Variants in GRIK1 observed in about 807,000 individuals in gnomAD.
GRIK1 encodes the protein glutamate receptor ionotropic, kainate 1.
Under a neutral mutation model 105.7 loss-of-function variants are expected in GRIK1, and 69 were observed. The ratio of observed to expected loss-of-function variants is 0.65; its 90% CI spans 0.54 to 0.80. The LOEUF is 0.80. Ranked by LOEUF, GRIK1 falls within the 30% of genes least tolerant of loss-of-function variation. The pLI is 0.00. For missense variants in GRIK1, 1,109 were observed against 1,167.3 expected (o/e 0.95, Z 0.73); for synonymous variants, 438 against 431.3 (o/e 1.02, Z -0.19).
At chr21:29,904,760 G>A (rs149855676) in intron 1 of GRIK1, among the ~76,000 whole-genome samples, 1 of 152,196 alleles carries the variant, frequency 6.6e-6, no homozygotes, top group Non-Finnish European at 1.5e-5. Flanking sequence ...GAACCAGGAA[G>A]TGTTGACCTG....
intron 3 of GRIK1, among the ~76,000 whole-genome samples, chr21:29,673,373 A>G (rs1230177743): frequency 6.6e-6 from 1 of 152,032 alleles, no homozygotes; most frequent in Non-Finnish European, 1.5e-5. Context: ...TGGAAGCATA[A>G]TTTTCCCAGG....
chr21:29,924,549 T>C (rs543289946), intron 1 of GRIK1, among the ~76,000 whole-genome samples: 1 of 152,266 alleles, frequency 6.6e-6, no homozygotes, highest in South Asian at 2.1e-4. Flanking sequence ...GGTTTACAGA[T>C]GCTCCTATAT....
intron 1 of GRIK1, among the ~76,000 whole-genome samples, chr21:29,856,282 G>T (rs754291207): frequency 6.6e-6 from 1 of 152,156 alleles, no homozygotes; most frequent in South Asian, 2.1e-4. Context: ...AGAAGTTCTG[G>T]TAGTGATTTA....
chr21:29,824,369 C>T (rs2067387826), intron 1 of GRIK1, among the ~76,000 whole-genome samples: 2 of 151,774 alleles, frequency 1.3e-5, no homozygotes, highest in Admixed American at 1.3e-4. Context: ...TCATAGTATA[C>T]AAATAGACAA....
chr21:29,716,311 C>G (rs2064175886), intron 1 of GRIK1, among the ~76,000 whole-genome samples: 1 of 152,038 alleles, frequency 6.6e-6, no homozygotes, highest in Non-Finnish European at 1.5e-5. Flanking sequence ...TAAAGATATC[C>G]AAAAATGTGG....
intron 1 of GRIK1, among the ~76,000 whole-genome samples, chr21:29,905,915 A>G (rs1209670851): frequency 6.6e-6 from 1 of 151,710 alleles, no homozygotes; most frequent in Admixed American, 6.6e-5. Flanking sequence ...GGCGTGAGCC[A>G]CCGCACCTGG....
intron 1 of GRIK1, among the ~76,000 whole-genome samples, chr21:29,772,589 C>T (rs1309077520): frequency 6.6e-6 from 1 of 151,986 alleles, no homozygotes; most frequent in Admixed American, 6.6e-5. Flanking sequence ...ATTTGTCATC[C>T]CCCCCACCCT....
chr21:29,578,793 C>T (rs891007431), intron 13 of GRIK1, among the ~76,000 whole-genome samples: 12 of 151,974 alleles, frequency 7.9e-5, no homozygotes, highest in African/African-American at 2.9e-4. Context: ...AAGGTTGTTT[C>T]ATATCTTTGT....
chr21:29,674,075 TTG>T (rs1347290913), intron 3 of GRIK1, among the ~76,000 whole-genome samples: 51 of 150,402 alleles, frequency 3.4e-4, no homozygotes, highest in African/African-American at 5.6e-4. Flanking sequence ...TTTTTTTTTG[TTG>T]TTTTTTTTTT....
At chr21:29,709,056 A>G (rs1170398954) in intron 1 of GRIK1, among the ~76,000 whole-genome samples, 1 of 152,092 alleles carries the variant, frequency 6.6e-6, no homozygotes, top group Non-Finnish European at 1.5e-5. Flanking sequence ...CATGCTGTTT[A>G]TAATTTTATA....
chr21:29,840,663 C>A (rs969988856), intron 1 of GRIK1, among the ~76,000 whole-genome samples: 1 of 152,096 alleles, frequency 6.6e-6, no homozygotes, highest in South Asian at 2.1e-4. Context: ...TGGTTTCCTG[C>A]AAAATAAATT....
intron 1 of GRIK1, among the ~76,000 whole-genome samples, chr21:29,739,190 G>A (rs940069349): frequency 1.3e-5 from 2 of 152,186 alleles, no homozygotes; most frequent in African/African-American, 4.8e-5. Context: ...GGGGTTAAGA[G>A]TGATGGAGAC....
intron 1 of GRIK1, among the ~76,000 whole-genome samples, chr21:29,848,238 C>T (rs140655900): frequency 4.6e-5 from 7 of 152,182 alleles, no homozygotes; most frequent in African/African-American, 9.6e-5. Context: ...TTTCTGTCCC[C>T]GCCAATGTAC....
chr21:29,589,812 C>G (rs1434690338), intron 10 of GRIK1, among the ~76,000 whole-genome samples: 1 of 152,128 alleles, frequency 6.6e-6, no homozygotes, highest in Admixed American at 6.5e-5. Flanking sequence ...TATGACTATT[C>G]TCATTTCTTT....
At chr21:29,877,176 C>A (rs1445234748) in intron 1 of GRIK1, among the ~76,000 whole-genome samples, 1 of 152,042 alleles carries the variant, frequency 6.6e-6, no homozygotes, top group African/African-American at 2.4e-5. Context: ...TCCTCTAGGG[C>A]CTGCAGTAAT....
chr21:29,817,776 AGG>A (rs1389139376), intron 1 of GRIK1, among the ~76,000 whole-genome samples: 1 of 152,140 alleles, frequency 6.6e-6, no homozygotes, highest in Admixed American at 6.5e-5. Context: ...CTGGTATTTA[AGG>A]GTTGTTTGTT....
At chr21:29,597,501 G>A (rs1322823707) in intron 8 of GRIK1, 1 of 243,458 alleles carries the variant, frequency 4.1e-6, no homozygotes, top group Non-Finnish European at 9.2e-6. Flanking sequence ...TCGAGAAGCA[G>A]ACATTTTCTT....
At chr21:29,874,891 A>G (rs886959745) in intron 1 of GRIK1, among the ~76,000 whole-genome samples, 2 of 152,186 alleles carry the variant, frequency 1.3e-5, no homozygotes, top group African/African-American at 4.8e-5. Context: ...ACATTTTAAA[A>G]GCCTATTTCA....
At chr21:29,874,550 G>T (rs1468183090) in intron 1 of GRIK1, among the ~76,000 whole-genome samples, 1 of 152,150 alleles carries the variant, frequency 6.6e-6, no homozygotes, top group Non-Finnish European at 1.5e-5. Flanking sequence ...TTCGTCCGCC[G>T]CTCACCTCCT....
Sources: gnomAD v4.1 joint callset for allele counts (sites outside exome capture counted in the v4.1 genomes callset) on GRCh38, gnomAD v4.1.1 for gene constraint, MANE v1.5 for transcripts, NCBI Gene and HGNC (gene_info 2026-07-23, HGNC 2026-07-21) for gene names.